The following SRGAP3 variants were observed in gnomAD, a reference collection of about 807,000 sequenced individuals.
SRGAP3 encodes SLIT-ROBO Rho GTPase activating protein 3, also known as SLIT-ROBO Rho GTPase-activating protein 3.
SRGAP3 carries 39 observed loss-of-function variants against 121.1 expected under a neutral mutation model. The observed-to-expected ratio is 0.32, with a 90% CI of 0.25 to 0.42. The LOEUF (loss-of-function observed/expected upper bound fraction) is 0.42. Ranked by LOEUF, SRGAP3 falls within the 10% of genes least tolerant of loss-of-function variation. SRGAP3 has a pLI of 1.00. For missense variants in SRGAP3, 1,213 were observed against 1,470.6 expected (o/e 0.82, Z 2.86); for synonymous variants, 601 against 570.0 (o/e 1.05, Z -0.77).
intron 1 of SRGAP3, among the ~76,000 whole-genome samples, chr3:9,349,489 T>C (rs1352911993): frequency 6.6e-6 from 1 of 152,214 alleles, no homozygotes; most frequent in Non-Finnish European, 1.5e-5. Context: ...ACAAGTGCTT[T>C]GTTTACTAAG....
chr3:9,058,635 C>T (rs1022116969), intron 6 of SRGAP3, 163 bp from the exon 7 acceptor site: 58 of 693,232 alleles, frequency 8.4e-5, no homozygotes, highest in South Asian at 1.9e-4. Flanking sequence ...AACCTCACGG[C>T]GCCCCTCAAG....
chr3:9,089,375 T>C (rs1947648530), intron 3 of SRGAP3, among the ~76,000 whole-genome samples: 1 of 141,410 alleles, frequency 7.1e-6, no homozygotes. Context: ...AGAGCCAAGA[T>C]TCATCTTTTT....
At chr3:9,190,279 A>G (rs1951710902) in intron 1 of SRGAP3, among the ~76,000 whole-genome samples, 1 of 152,230 alleles carries the variant, frequency 6.6e-6, no homozygotes, top group Non-Finnish European at 1.5e-5. Flanking sequence ...AGGCTGCAGA[A>G]TAAGGAGTGG....
At chr3:9,003,765 G>T (rs1942906212) in intron 18 of SRGAP3, among the ~76,000 whole-genome samples, 1 of 151,954 alleles carries the variant, frequency 6.6e-6, no homozygotes, top group African/African-American at 2.4e-5. Context: ...CTGACAAATG[G>T]CATCTATGAA....
chr3:9,125,021 C>A (rs1012238987), intron 1 of SRGAP3, 104 bp from the exon 2 acceptor site: 14 of 1,340,328 alleles, frequency 1.0e-5, no homozygotes, highest in Non-Finnish European at 1.3e-5. Flanking sequence ...CAGCTCCCTC[C>A]TAACACCATC....
intron 3 of SRGAP3, among the ~76,000 whole-genome samples, chr3:9,272,016 C>G (rs1197151185): frequency 6.6e-6 from 1 of 152,182 alleles, no homozygotes; most frequent in African/African-American, 2.4e-5. Context: ...CCTGCCAAAA[C>G]AGATGAATGT....
chr3:9,078,820 C>T (rs1428160933), intron 4 of SRGAP3, among the ~76,000 whole-genome samples: 1 of 152,174 alleles, frequency 6.6e-6, no homozygotes, highest in Non-Finnish European at 1.5e-5. Flanking sequence ...ACCCACAACT[C>T]AAGTTTTGCT....
At chr3:9,269,188 T>G (rs1954427556) in intron 3 of SRGAP3, among the ~76,000 whole-genome samples, 1 of 152,144 alleles carries the variant, frequency 6.6e-6, no homozygotes, top group African/African-American at 2.4e-5. Flanking sequence ...TGGGGATGAT[T>G]GTGGATAAAG....
In SRGAP3 at chr3:9,199,054, A is replaced by G. The variant is rs559179289; in HGVS notation, c.67+49831T>C. 2.0e-5 allele frequency among the ~76,000 whole-genome samples: 3 copies of G among 152,024 alleles called. No homozygotes were observed. In the East Asian group the frequency reaches 5.8e-4, roughly 29 times the overall value. ...GCATTTTCCTTCCTGTCCCCATCCA[A>G]TATCTGCCCCCCCTTCCCATCCTTT... is the stretch of plus-strand genomic sequence containing the variant. On this transcript the variant is annotated intron_variant, in intron 1 of 21. Transcript: ENST00000383836.
In SRGAP3 at chr3:8,985,914, T is replaced by G; in HGVS notation, c.2905A>C (p.Ser969Arg). ...ALAEDIEKTMSTALHELRELE... is the reference protein window; with the variant it reads ...ALAEDIEKTMRTALHELRELE... Reference sequence around the variant, plus strand: ...TCCCGCAACTCGTGCAGAGCCGTGCTCATGGTCTTCTCGATGTCCTGGGGA... The same window carrying G: ...TCCCGCAACTCGTGCAGAGCCGTGCGCATGGTCTTCTCGATGTCCTGGGGA... The change falls in exon 22 of 22, where the codon AGC (serine) becomes CGC (arginine). Residue 969 changes from serine (S) to arginine (R), a missense_variant. Ser to Arg is a moderately radical substitution (Grantham distance 110). Transcript: ENST00000383836. This position sits in a 1 kb window ranked among gnomAD's most constrained non-coding sequence, Gnocchi z 5.1. 1 of 1,599,574 alleles carries G rather than the reference T, an allele frequency of 6.3e-7. No individual in the cohort carries two copies.
intron 4 of SRGAP3, among the ~76,000 whole-genome samples, chr3:9,075,279 C>T (rs944884645): frequency 7.9e-5 from 12 of 152,046 alleles, no homozygotes; most frequent in Admixed American, 2.0e-4. Flanking sequence ...TATATGTGTG[C>T]GCACGCTTGC....
At chr3:9,191,704 T>C (rs1574842609) in intron 1 of SRGAP3, among the ~76,000 whole-genome samples, 2 of 152,136 alleles carry the variant, frequency 1.3e-5, no homozygotes, top group Admixed American at 6.5e-5. Context: ...TTTGGATGGG[T>C]GTCCCCGTTC....
chr3:9,032,851 A>C, intron 11 of SRGAP3, 99 bp from the exon 12 acceptor site: 1 of 1,092,242 alleles, frequency 9.2e-7, no homozygotes, highest in Non-Finnish European at 1.4e-6. Flanking sequence ...GGGAACACAA[A>C]ATGTAAATGG....
At chr3:9,026,889 C>T (rs775416539) in intron 13 of SRGAP3, 46 bp downstream of exon 13, 2 of 1,577,148 alleles carry the variant, frequency 1.3e-6, no homozygotes, top group African/African-American at 2.7e-5. Flanking sequence ...CAGCCTAGCA[C>T]CTGTTCTGCA....
intron 1 of SRGAP3, among the ~76,000 whole-genome samples, chr3:9,357,786 A>G: frequency 6.6e-6 from 1 of 152,156 alleles, no homozygotes; most frequent in East Asian, 1.9e-4. Flanking sequence ...ATATAAGTCT[A>G]GGAGGGAAAT....
intron 1 of SRGAP3, among the ~76,000 whole-genome samples, chr3:9,346,432 G>A (rs1955892443): frequency 6.6e-6 from 1 of 151,864 alleles, no homozygotes; most frequent in South Asian, 2.1e-4. Context: ...TAATCATTTT[G>A]TTCATTAAAC....
chr3:9,026,740 A>G (rs1944226653), intron 13 of SRGAP3, among the ~76,000 whole-genome samples, 195 bp downstream of exon 13: 1 of 152,158 alleles, frequency 6.6e-6, no homozygotes, highest in African/African-American at 2.4e-5. Context: ...TCCTCTCACC[A>G]TGATCTCCAT....
intron 14 of SRGAP3, among the ~76,000 whole-genome samples, chr3:9,020,947 A>T (rs1469558506): frequency 6.6e-6 from 1 of 152,214 alleles, no homozygotes; most frequent in Non-Finnish European, 1.5e-5. Context: ...GGCGTTGCCA[A>T]AGGCTTTAAG....
intron 5 of SRGAP3, among the ~76,000 whole-genome samples, chr3:9,060,932 G>C (rs1291292810): frequency 6.6e-6 from 1 of 152,158 alleles, no homozygotes; most frequent in East Asian, 1.9e-4. Context: ...GTCCTTGCTA[G>C]GGTGGGGTGT....
Sources: gnomAD v4.1 joint callset for allele counts (sites outside exome capture counted in the v4.1 genomes callset) on GRCh38, gnomAD v4.1.1 for gene constraint, Gnocchi (gnomAD v3.1) non-coding constraint, MANE v1.5 for transcripts, NCBI Gene and HGNC (gene_info 2026-07-23, HGNC 2026-07-21) for gene names.